The following CACNB4 variants were observed in gnomAD, a reference collection of about 807,000 sequenced individuals.
CACNB4 encodes the protein voltage-dependent L-type calcium channel subunit beta-4.
A neutral mutation model predicts 71.2 loss-of-function variants in CACNB4; 32 were observed. The ratio of observed to expected loss-of-function variants is 0.45; its 90% confidence interval spans 0.34 to 0.60. CACNB4 has a LOEUF of 0.60. Among genes scored for constraint, CACNB4 ranks in the 20% least tolerant of loss-of-function variants. The pLI, the probability that CACNB4 is intolerant of heterozygous loss-of-function variation, is 0.01. For synonymous variants in CACNB4, 231 were observed against 236.9 expected (o/e 0.97, Z 0.23); for missense variants, 464 against 647.9 (o/e 0.72, Z 3.08).
At chr2:151,897,449 T>C (rs958904871) in intron 2 of CACNB4, among the ~76,000 whole-genome samples, 2 of 152,196 alleles carry the variant, frequency 1.3e-5, no homozygotes, top group African/African-American at 4.8e-5. Context: ...AGCTCATCAA[T>C]AGATCCAAGG....
intron 2 of CACNB4, among the ~76,000 whole-genome samples, chr2:151,991,378 G>A (rs563189983): frequency 2.0e-5 from 3 of 152,196 alleles, no homozygotes; most frequent in Non-Finnish European, 2.9e-5. Context: ...GGTCTGCACA[G>A]TTCTGCTAAG....
chr2:152,007,909 T>C (rs979106947), intron 2 of CACNB4, among the ~76,000 whole-genome samples: 49 of 152,002 alleles, frequency 3.2e-4, no homozygotes, highest in African/African-American at 7.7e-4. Flanking sequence ...GCAGCTAGGA[T>C]TACAGGCACC....
intron 2 of CACNB4, among the ~76,000 whole-genome samples, chr2:151,984,669 T>C (rs1334371011): frequency 3.9e-5 from 6 of 152,152 alleles, no homozygotes; most frequent in Non-Finnish European, 7.4e-5. Context: ...GTTTACTTCA[T>C]TTAACCATAT....
intron 2 of CACNB4, chr2:152,048,628 GGA>G (rs140690777): frequency 7.2e-5 from 11 of 152,404 alleles, no homozygotes; most frequent in African/African-American, 2.4e-4. Flanking sequence ...GATGTGAGCA[GGA>G]GAGACAGCTC....
intron 2 of CACNB4, among the ~76,000 whole-genome samples, chr2:152,004,666 G>A (rs1462654707): frequency 2.0e-5 from 3 of 152,092 alleles, no homozygotes; most frequent in Non-Finnish European, 4.4e-5. Flanking sequence ...TGAAATGACA[G>A]AGTCCCTTCT....
rs1207271602 is a variant in CACNB4, at chr2:151,878,634, C to T, written c.391-2078G>A. Among the ~76,000 whole-genome samples, 3 of 30,024 alleles carry T rather than the reference C, an allele frequency of 1.0e-4. No individual in the cohort carries two copies. In the Admixed American group the frequency reaches 1.4e-3, roughly 14 times the overall value. The allele number at this position is 30,024 out of a possible 152,430, so 19.7% of individuals were successfully genotyped here. ...AGTCCTAGTGTACTACACAATACTA[C>T]ACCATTAGCTAGCTATACAATTAGT... On this transcript the variant is annotated intron_variant, in intron 4 of 13. Transcript: ENST00000539935.
chr2:151,881,372 G>A (rs2099847797), intron 3 of CACNB4, among the ~76,000 whole-genome samples: 1 of 152,186 alleles, frequency 6.6e-6, no homozygotes, highest in African/African-American at 2.4e-5. Context: ...GAAAACGTGT[G>A]GGATTCTATA....
intron 3 of CACNB4, among the ~76,000 whole-genome samples, chr2:151,881,639 A>AT (rs2099847883): frequency 1.3e-5 from 2 of 152,220 alleles, no homozygotes; most frequent in African/African-American, 4.8e-5. Context: ...CTGAAAGAAA[A>AT]TTTTGTAACA....
At chr2:151,978,958 C>CCCCG (rs1465966058) in intron 2 of CACNB4, among the ~76,000 whole-genome samples, 1 of 152,038 alleles carries the variant, frequency 6.6e-6, no homozygotes, top group Non-Finnish European at 1.5e-5. Flanking sequence ...GTGACAGCAC[C>CCCCG]CCCGCCCTCA....
intron 2 of CACNB4, among the ~76,000 whole-genome samples, chr2:151,975,410 C>A (rs989582442): frequency 2.0e-5 from 3 of 152,240 alleles, no homozygotes; most frequent in African/African-American, 7.2e-5. Flanking sequence ...GGAGTGGCAT[C>A]AATACCTAGT....
chr2:152,076,700 A>G (rs991119328), intron 2 of CACNB4, among the ~76,000 whole-genome samples: 12 of 109,374 alleles, frequency 1.1e-4, no homozygotes, highest in African/African-American at 4.3e-4. Context: ...AGCTGATAAT[A>G]AAGACTAGGA....
intron 2 of CACNB4, among the ~76,000 whole-genome samples, chr2:151,885,073 C>A (rs972578460): frequency 2.6e-5 from 4 of 152,222 alleles, no homozygotes; most frequent in Admixed American, 6.5e-5. Flanking sequence ...TAGAGGCCAT[C>A]ATTCTAGCAA....
At chr2:151,906,954 T>G (rs1462378749) in intron 2 of CACNB4, among the ~76,000 whole-genome samples, 1 of 152,258 alleles carries the variant, frequency 6.6e-6, no homozygotes, top group Non-Finnish European at 1.5e-5. Context: ...TTAAAATTAC[T>G]GTGTACATTT....
intron 2 of CACNB4, among the ~76,000 whole-genome samples, chr2:152,079,000 T>C (rs907569076): frequency 3.9e-5 from 6 of 152,148 alleles, no homozygotes; most frequent in Non-Finnish European, 5.9e-5. Context: ...CCTGCTCTAC[T>C]GGAGAAAGAA....
At chr2:151,874,359 T>G (rs1325667844) in intron 5 of CACNB4, among the ~76,000 whole-genome samples, 61 of 151,318 alleles carry the variant, frequency 4.0e-4, no homozygotes, top group Non-Finnish European at 4.4e-5. Context: ...CCCCAGCTAC[T>G]CAGGAGGTTG....
chr2:151,852,181 A>G (rs2099839242), intron 12 of CACNB4: 1 of 152,228 alleles, frequency 6.6e-6, no homozygotes. Context: ...CTCTGTTTTC[A>G]GTTGCCTAAA....
intron 10 of CACNB4, among the ~76,000 whole-genome samples, chr2:151,856,328 C>A (rs1254391909): frequency 6.6e-6 from 1 of 152,070 alleles, no homozygotes; most frequent in African/African-American, 2.4e-5. Context: ...TTTTGAGACA[C>A]AGTTTCACTC....
chr2:151,998,109 G>A (rs1225226852), intron 2 of CACNB4, among the ~76,000 whole-genome samples: 2 of 152,044 alleles, frequency 1.3e-5, no homozygotes, highest in African/African-American at 4.8e-5. Context: ...GATCGCCTGA[G>A]GTCAGGAGTT....
chr2:151,860,665 G>A (rs781670373), intron 10 of CACNB4, 46 bp downstream of exon 10: 30 of 1,277,070 alleles, frequency 2.3e-5, no homozygotes, highest in South Asian at 1.2e-4. Flanking sequence ...GTGTCAGCCC[G>A]GTCTGTAAGC....
Sources: gnomAD v4.1 joint callset for allele counts (sites outside exome capture counted in the v4.1 genomes callset) on GRCh38, gnomAD v4.1.1 for gene constraint, MANE v1.5 for transcripts, NCBI Gene and HGNC (gene_info 2026-07-23, HGNC 2026-07-21) for gene names.